Variants in SCN7A observed in about 807,000 individuals in gnomAD.
The protein encoded by SCN7A is sodium channel protein type 7 subunit alpha.
Under a neutral mutation model 155.2 loss-of-function variants are expected in SCN7A, and 138 were observed. That is an observed-to-expected ratio of 0.89 (90% CI 0.77 to 1.02). SCN7A has a LOEUF of 1.02. Among genes scored for constraint, SCN7A ranks in the 50% least tolerant of loss-of-function variants. The pLI, the probability that SCN7A is intolerant of heterozygous loss-of-function variation, is 0.00. For synonymous variants in SCN7A, 693 were observed against 649.0 expected, an observed-to-expected ratio of 1.07 and a Z score of -1.03; for missense variants, 2,058 against 1,986.6, an observed-to-expected ratio of 1.04 and a Z score of -0.68.
At chr2:166,438,126 C>T (rs1445211934) in intron 15 of SCN7A, among the ~76,000 whole-genome samples, 1 of 152,066 alleles carries the variant, frequency 6.6e-6, no homozygotes, top group African/African-American at 2.4e-5. Flanking sequence ...TTCCATAATC[C>T]TCATGTGTTA....
chr2:166,475,691 A>T (rs1702781813), intron 3 of SCN7A, among the ~76,000 whole-genome samples: 1 of 151,950 alleles, frequency 6.6e-6, no homozygotes, highest in Non-Finnish European at 1.5e-5. Context: ...TGCCATTGTG[A>T]TGAAATGACT....
chr2:166,435,185 G>A (rs1437104263), intron 15 of SCN7A, among the ~76,000 whole-genome samples: 1 of 152,026 alleles, frequency 6.6e-6, no homozygotes, highest in Non-Finnish European at 1.5e-5. Context: ...AAATGCTACT[G>A]CTTTGTTCAG....
At chr2:166,432,800 T>C (rs1422503509) in intron 15 of SCN7A, 48 bp from the exon 16 acceptor site, 3 of 1,363,142 alleles carry the variant, frequency 2.2e-6, no homozygotes, top group Non-Finnish European at 1.9e-6. Context: ...TTTTGTTTCA[T>C]TTTAAGTAAT....
intron 1 of SCN7A, among the ~76,000 whole-genome samples, chr2:166,490,350 G>A (rs372269268): frequency 6.6e-6 from 1 of 152,114 alleles, no homozygotes; most frequent in South Asian, 2.1e-4. Flanking sequence ...ATGAGATCAT[G>A]CAGTATTTGT....
chr2:166,484,407 A>T (rs1703000760), intron 2 of SCN7A, among the ~76,000 whole-genome samples: 1 of 151,810 alleles, frequency 6.6e-6, no homozygotes, highest in South Asian at 2.1e-4. Flanking sequence ...ATGAGTGTGT[A>T]TATAAATGTA....
chr2:166,489,956 T>C (rs752089383), intron 1 of SCN7A, among the ~76,000 whole-genome samples: 16 of 151,948 alleles, frequency 1.1e-4, no homozygotes, highest in Non-Finnish European at 2.2e-4. Flanking sequence ...AATTGATAAA[T>C]AGTAATTATA....
At position 166,416,995 on chromosome 2, in the gene SCN7A, A is replaced by T; in HGVS notation, c.3136-10T>A. The stretch of plus-strand genomic sequence containing the variant: ...AAGCTCTCACAACCACCTGGTATAT[A>T]TAAAAAATGTAAACTTTAGATAGGA... On this transcript the variant is annotated splice_polypyrimidine_tract_variant and intron_variant, in intron 20 of 25. Coordinates refer to ENST00000643258, the MANE Select transcript of SCN7A (RefSeq NM_002976.4). 6.5e-7 allele frequency: 1 copy of T among 1,546,976 alleles called. No homozygotes were observed. The highest frequency in any genetic ancestry group is 8.7e-7 in the Non-Finnish European group (1 of 1,147,510).
At chr2:166,493,083 A>T (rs1294269175) in intron 1 of SCN7A, among the ~76,000 whole-genome samples, 1 of 152,214 alleles carries the variant, frequency 6.6e-6, no homozygotes, top group Non-Finnish European at 1.5e-5. Context: ...TAGTCATAGC[A>T]GGTATGGTGC....
chr2:166,463,683 C>T (rs945420263), intron 9 of SCN7A, among the ~76,000 whole-genome samples: 2 of 152,036 alleles, frequency 1.3e-5, no homozygotes, highest in African/African-American at 4.8e-5. Flanking sequence ...TGGGATGGGA[C>T]AGATACAAAG....
intron 13 of SCN7A, among the ~76,000 whole-genome samples, chr2:166,444,352 AGGGCC>A (rs1702018327): frequency 1.3e-5 from 2 of 152,214 alleles, no homozygotes; most frequent in Non-Finnish European, 2.9e-5. Context: ...TAGAACAGAC[AGGGCC>A]AACTGCTGTT....
intron 1 of SCN7A, among the ~76,000 whole-genome samples, chr2:166,493,533 C>T (rs796592945): frequency 7.9e-5 from 12 of 152,194 alleles, no homozygotes; most frequent in African/African-American, 2.9e-4. Context: ...CTATCTATTC[C>T]TTTGGGAAAA....
chr2:166,461,624 C>T (rs544752007), intron 10 of SCN7A: 49 of 149,478 alleles, frequency 3.3e-4, no homozygotes, highest in African/African-American at 1.2e-3. Flanking sequence ...GTCATAAATT[C>T]AAAATGTTTC....
intron 15 of SCN7A, among the ~76,000 whole-genome samples, chr2:166,435,393 T>C (rs1364964562): frequency 1.4e-5 from 2 of 147,628 alleles, no homozygotes; most frequent in Non-Finnish European, 1.5e-5. Flanking sequence ...TGTAACCAGA[T>C]TAAAAACATA....
At chr2:166,428,020 G>T in intron 17 of SCN7A, 78 bp from the exon 18 acceptor site, 1 of 1,330,246 alleles carries the variant, frequency 7.5e-7, no homozygotes, top group Non-Finnish European at 1.0e-6. Flanking sequence ...TCTACTATGT[G>T]CCACAGCAAT....
rs527664625 is a variant in SCN7A, at chr2:166,406,133, A to T, written c.4496T>A (p.Leu1499Ter). ...GTTTTTCTTCTTAGAAGCAATATTT[A>T]AAAACTCCATGACAACAACAATGTA... is the stretch of plus-strand genomic sequence containing the variant. ...NMYIVVVMEF[L>*]NIASKKKNKT... Residue 1499 changes from leucine (L) to a stop codon, truncating the protein, a stop_gained, in exon 26 of 26, where the codon TTA (leucine) becomes TAA (stop). Coordinates refer to ENST00000643258, the MANE Select transcript of SCN7A (RefSeq NM_002976.4). LOFTEE classifies it high-confidence loss of function. The T allele has an allele frequency of 4.3e-6, 7 of 1,611,896 alleles. No individual in the cohort carries two copies. The highest frequency in any genetic ancestry group is 4.0e-5 in the African/African-American group (3 of 74,920).
intron 7 of SCN7A, among the ~76,000 whole-genome samples, chr2:166,467,907 T>C (rs1702571580): frequency 6.6e-6 from 1 of 151,930 alleles, no homozygotes; most frequent in South Asian, 2.1e-4. Context: ...TTTTTTTATT[T>C]CTATATTCTC....
chr2:166,416,467 A>G (rs898667326), intron 21 of SCN7A, among the ~76,000 whole-genome samples: 1 of 152,096 alleles, frequency 6.6e-6, no homozygotes, highest in African/African-American at 2.4e-5. Context: ...TAAAATTCCT[A>G]TCTTTGTACT....
rs1701050844 is a variant in SCN7A, at chr2:166,405,600, G to A, written c.5029C>T (p.Pro1677Ser). Residue 1677 changes from proline (P) to serine (S), a missense_variant, in exon 26 of 26, where the codon CCT becomes TCT. Pro to Ser is a moderately conservative substitution (Grantham distance 74). Transcript: ENST00000643258. ...TGGTATTAGATCTGGCTTTGAATAG[G>A]TGACTTTTCCTTAGCTTTGTCAAAA... ...AYFDKAKEKS[P>S]IQSQI 1 of 1,591,272 alleles carries A rather than the reference G, an allele frequency of 6.3e-7. No homozygotes were observed. The highest frequency in any genetic ancestry group is 1.8e-5 in the Admixed American group (1 of 56,624).
At chr2:166,423,466 G>A (rs933696676) in intron 18 of SCN7A, 34 bp from the exon 19 acceptor site, 6 of 1,472,598 alleles carry the variant, frequency 4.1e-6, no homozygotes, top group African/African-American at 1.4e-5. Context: ...AGGATTAGGT[G>A]TACAGGTAAT....
Sources: gnomAD v4.1 joint callset for allele counts (sites outside exome capture counted in the v4.1 genomes callset) on GRCh38, gnomAD v4.1.1 for gene constraint, MANE v1.5 for transcripts, NCBI Gene and HGNC (gene_info 2026-07-23, HGNC 2026-07-21) for gene names.